PTBP3: variants seen among roughly 807,000 people sequenced by gnomAD.
The protein encoded by PTBP3 is polypyrimidine tract binding protein 3.
A neutral mutation model predicts 58.7 loss-of-function variants in PTBP3; 20 were observed. That is an observed-to-expected ratio of 0.34 (90% CI 0.24 to 0.50). The LOEUF is 0.50. Ranked by LOEUF, PTBP3 falls within the 20% of genes least tolerant of loss-of-function variation. The pLI is 0.98. For synonymous variants in PTBP3, 185 were observed against 219.8 expected (o/e 0.84, Z 1.40); for missense variants, 509 against 637.2 (o/e 0.80, Z 2.17).
At chr9:112,295,634 G>C (rs1184260538) in intron 2 of PTBP3, among the ~76,000 whole-genome samples, 2 of 146,094 alleles carry the variant, frequency 1.4e-5, no homozygotes, top group Non-Finnish European at 3.0e-5. Context: ...GAATAGCATT[G>C]GGGTACACAA....
chr9:112,231,993 AGAG>A (rs1835247266), intron 9 of PTBP3, 103 bp downstream of exon 9: 2 of 566,688 alleles, frequency 3.5e-6, no homozygotes, highest in South Asian at 2.7e-5. Flanking sequence ...AGAGAAGAGA[AGAG>A]AAGAGAAGAG....
chr9:112,226,736 T>C (rs1835003548), intron 12 of PTBP3, among the ~76,000 whole-genome samples: 1 of 152,256 alleles, frequency 6.6e-6, no homozygotes, highest in South Asian at 2.1e-4. Context: ...GGTACAGCTA[T>C]ATTACACGAA....
At chr9:112,318,097 C>A (rs1564459657) in intron 1 of PTBP3, among the ~76,000 whole-genome samples, 1 of 152,060 alleles carries the variant, frequency 6.6e-6, no homozygotes, top group Non-Finnish European at 1.5e-5. Context: ...ATGTTTCCAA[C>A]TTAAAAAAGG....
intron 11 of PTBP3, 57 bp from the exon 12 acceptor site, chr9:112,227,684 T>C (rs954707343): frequency 1.6e-6 from 2 of 1,243,018 alleles, no homozygotes; most frequent in African/African-American, 3.0e-5. Flanking sequence ...TTCTCAGTAG[T>C]ATCTGACAAC....
At chr9:112,349,493 CG>C in the PTBP3 span, among the ~76,000 whole-genome samples, 1 of 152,104 alleles carries the variant, frequency 6.6e-6, no homozygotes, top group South Asian at 2.1e-4. Flanking sequence ...GACTTGCGAT[CG>C]GTGTCTCAAA....
At chr9:112,252,172 C>T (rs1055090309) in intron 6 of PTBP3, 1 of 152,072 alleles carries the variant, frequency 6.6e-6, no homozygotes, top group African/African-American at 2.4e-5. Flanking sequence ...GTATCTCCAC[C>T]AATTTAGAGC....
Position 112,231,967 on chromosome 9 carries a change from G to GAGA in PTBP3, c.1020+129_1020+131dup, listed in dbSNP as rs1554788026. The GAGA allele has an allele frequency of 7.5e-3, 1,388 of 184,666 alleles. 10 individuals carry two copies. The highest frequency in any genetic ancestry group is 0.028 in the East Asian group (249 of 8,944). 11.4% of individuals were successfully genotyped at this position (184,666 alleles called of 1,614,324 possible). On this transcript the variant is annotated intron_variant, in intron 9 of 13. Coordinates refer to ENST00000374257, the MANE Select transcript of PTBP3 (RefSeq NM_001163788.4). ...GAGAAGAGAAGAGAAGAGAAGAGAA[G>GAGA]AGAGAAGAGAAGAGAAGAGAAGAGA...
At position 112,333,479 on chromosome 9, in the gene PTBP3, GC is replaced by G; in HGVS notation, c.-62del. 6.3e-7 allele frequency: 1 copy of G among 1,590,604 alleles called. No individual in the cohort carries two copies. Among genetic ancestry groups the G allele is most frequent in the Admixed American group, 1.7e-5 (1 of 57,594 alleles). On this transcript the variant is annotated 5_prime_UTR_variant, in exon 1 of 14. Transcript: ENST00000374257. The stretch of plus-strand genomic sequence containing the variant: ...GCCGCCTAGTACTTACCCATCCATG[GC>G]CCAGATGGAGGCGCGCACAGAGCAG...
intron 7 of PTBP3, among the ~76,000 whole-genome samples, chr9:112,238,596 T>C (rs998299461): frequency 3.3e-5 from 5 of 151,950 alleles, no homozygotes; most frequent in African/African-American, 7.3e-5. Context: ...AGAATAAAAA[T>C]AAATCCTTAA....
chr9:112,228,560 C>CTTATACTAT, intron 10 of PTBP3, 88 bp from the exon 11 acceptor site: 2 of 574,610 alleles, frequency 3.5e-6, no homozygotes, highest in Non-Finnish European at 5.1e-6. Flanking sequence ...GAAGGCATTT[C>CTTATACTAT]TTACTCTCCC....
chr9:112,253,755 C>T (rs920066690), intron 5 of PTBP3, among the ~76,000 whole-genome samples: 2 of 152,182 alleles, frequency 1.3e-5, no homozygotes, highest in African/African-American at 2.4e-5. Context: ...GTTTCCCCTG[C>T]GCACTCTCTC....
chr9:112,264,857 A>G (rs759421294), intron 4 of PTBP3, among the ~76,000 whole-genome samples: 1 of 152,190 alleles, frequency 6.6e-6, no homozygotes, highest in Non-Finnish European at 1.5e-5. Flanking sequence ...TAATCTTTTA[A>G]GATTTATTAA....
chr9:112,360,848 A>G, the PTBP3 span, among the ~76,000 whole-genome samples: 1 of 152,222 alleles, frequency 6.6e-6, no homozygotes, highest in Non-Finnish European at 1.5e-5. Flanking sequence ...GGGTCTGAAT[A>G]AATAATTTAT....
chr9:112,273,908 C>A (rs1292526121), intron 3 of PTBP3, among the ~76,000 whole-genome samples: 1 of 152,196 alleles, frequency 6.6e-6, no homozygotes, highest in Non-Finnish European at 1.5e-5. Flanking sequence ...ATTAACATAA[C>A]ACTTACAGTT....
chr9:112,305,697 T>C (rs572940422), intron 1 of PTBP3, among the ~76,000 whole-genome samples: 1 of 152,182 alleles, frequency 6.6e-6, no homozygotes, highest in Admixed American at 6.5e-5. Flanking sequence ...TCTCAGCACT[T>C]TGGGAGGCCG....
chr9:112,278,914 G>C (rs1439070364), intron 2 of PTBP3, among the ~76,000 whole-genome samples: 1 of 152,056 alleles, frequency 6.6e-6, no homozygotes, highest in African/African-American at 2.4e-5. Context: ...CAACTGTTTT[G>C]CTTGGAAATT....
intron 2 of PTBP3, among the ~76,000 whole-genome samples, chr9:112,295,176 T>TTACA (rs915080147): frequency 1.6e-4 from 24 of 151,498 alleles, no homozygotes; most frequent in African/African-American, 5.3e-4. Flanking sequence ...GAGGCGGTGG[T>TTACA]TACAGTAAGC....
chr9:112,255,208 A>G (rs1171752234), intron 5 of PTBP3, among the ~76,000 whole-genome samples: 2 of 152,172 alleles, frequency 1.3e-5, no homozygotes, highest in Non-Finnish European at 2.9e-5. Context: ...GGGCTAGGAG[A>G]GTAGATGAAT....
intron 1 of PTBP3, among the ~76,000 whole-genome samples, chr9:112,302,476 T>TA (rs1305276681): frequency 1.3e-5 from 2 of 151,856 alleles, no homozygotes; most frequent in Admixed American, 1.3e-4. Flanking sequence ...CACTTTATCT[T>TA]AGAGACACTT....
Sources: allele counts gnomAD v4.1 joint callset (sites outside exome capture counted in the v4.1 genomes callset), GRCh38; gene constraint gnomAD v4.1.1; transcripts MANE v1.5; gene names NCBI Gene and HGNC (gene_info 2026-07-23, HGNC 2026-07-21).